TSPAN5: variants seen among roughly 807,000 people sequenced by gnomAD.
TSPAN5 encodes tetraspanin 5.
Under a neutral mutation model 37.1 loss-of-function variants are expected in TSPAN5, and 10 were observed. That is an observed-to-expected ratio of 0.27 (90% confidence interval 0.17 to 0.46). The LOEUF is 0.46. Among genes scored for constraint, TSPAN5 ranks in the 20% least tolerant of loss-of-function variants. The probability of loss-of-function intolerance (pLI) is 1.00; values close to 1 mark genes in which losing one functional copy is unlikely to be tolerated. For missense variants in TSPAN5, 195 were observed against 326.6 expected, an observed-to-expected ratio of 0.60 and a Z score of 3.11; for synonymous variants, 110 against 118.9, an observed-to-expected ratio of 0.93 and a Z score of 0.48.
intron 7 of TSPAN5, among the ~76,000 whole-genome samples, chr4:98,472,796 T>C (rs538479221): frequency 2.0e-4 from 30 of 152,312 alleles, no homozygotes; most frequent in African/African-American, 7.0e-4. Flanking sequence ...TCACAGAACA[T>C]TTCATTACCC....
At chr4:98,472,954 GCTGT>G (rs1428246709) in intron 7 of TSPAN5, among the ~76,000 whole-genome samples, 6 of 152,070 alleles carry the variant, frequency 3.9e-5, no homozygotes, top group Non-Finnish European at 8.8e-5. Context: ...GGCTTTTGTG[GCTGT>G]CTTTTTCATG....
intron 1 of TSPAN5, among the ~76,000 whole-genome samples, chr4:98,551,932 C>T (rs555335429): frequency 6.6e-6 from 1 of 152,182 alleles, no homozygotes; most frequent in South Asian, 2.1e-4. Flanking sequence ...TCTTCAATCT[C>T]AGGAGGTTGT....
chr4:98,575,195 T>C (rs1755206408), intron 1 of TSPAN5, among the ~76,000 whole-genome samples: 1 of 152,158 alleles, frequency 6.6e-6, no homozygotes, highest in Non-Finnish European at 1.5e-5. Flanking sequence ...GATCCATATA[T>C]ACAAATATCT....
intron 1 of TSPAN5, among the ~76,000 whole-genome samples, chr4:98,592,135 G>A (rs2110209173): frequency 6.6e-6 from 1 of 150,990 alleles, no homozygotes; most frequent in South Asian, 2.1e-4. Flanking sequence ...ATAACAACTA[G>A]ATAGCCACAT....
intron 1 of TSPAN5, among the ~76,000 whole-genome samples, chr4:98,587,138 C>T (rs1251506480): frequency 6.6e-6 from 1 of 152,176 alleles, no homozygotes; most frequent in Non-Finnish European, 1.5e-5. Context: ...CCCAGCCTGC[C>T]TTCAGGAAAA....
intron 1 of TSPAN5, among the ~76,000 whole-genome samples, chr4:98,524,317 G>T (rs1477423370): frequency 6.6e-6 from 1 of 152,212 alleles, no homozygotes; most frequent in Non-Finnish European, 1.5e-5. Flanking sequence ...ACCGCTGACA[G>T]AATATATTAG....
chr4:98,566,399 G>A (rs1755005763), intron 1 of TSPAN5, among the ~76,000 whole-genome samples: 1 of 152,078 alleles, frequency 6.6e-6, no homozygotes, highest in African/African-American at 2.4e-5. Context: ...AAGTCTCACA[G>A]GAAAAAATAT....
At chr4:98,633,687 C>T (rs752322708) in intron 1 of TSPAN5, among the ~76,000 whole-genome samples, 17 of 152,110 alleles carry the variant, frequency 1.1e-4, no homozygotes, top group South Asian at 2.1e-4. Flanking sequence ...AACCACTGCC[C>T]GCAAAGACTG....
intron 1 of TSPAN5, among the ~76,000 whole-genome samples, chr4:98,655,157 T>G (rs867226548): frequency 6.6e-6 from 1 of 152,164 alleles, no homozygotes; most frequent in Non-Finnish European, 1.5e-5. Context: ...GGTTTTTTTT[T>G]GTTTTTGTTT....
intron 1 of TSPAN5, among the ~76,000 whole-genome samples, chr4:98,646,293 C>T (rs1757068164): frequency 6.6e-6 from 1 of 152,118 alleles, no homozygotes; most frequent in African/African-American, 2.4e-5. Flanking sequence ...TCAAGTTTCA[C>T]CTTCATGACC....
At position 98,658,404 on chromosome 4, in the gene TSPAN5, C is replaced by CA; in HGVS notation, c.-179dup. On this transcript the variant is annotated 5_prime_UTR_variant, in exon 1 of 8. Coordinates refer to ENST00000305798, the MANE Select transcript of TSPAN5 (RefSeq NM_005723.4). Reference sequence around the variant, plus strand: ...CGGCGGAGAGCGGCTCCCGCACCTCCAGCCCCTCGCGCGCCGAGGCCGCCG... The same window carrying CA: ...CGGCGGAGAGCGGCTCCCGCACCTCCAAGCCCCTCGCGCGCCGAGGCCGCCG... 5.5e-6 allele frequency: 2 copies of CA among 365,248 alleles called. No homozygotes were observed. Among genetic ancestry groups the CA allele is most frequent in the Non-Finnish European group, 9.6e-6 (2 of 208,510 alleles). The allele number at this position is 365,248 out of a possible 1,614,324, so 22.6% of individuals were successfully genotyped here. A position where few individuals can be genotyped will look rare whatever the true frequency, so the allele number is the denominator to read the frequency against.
chr4:98,539,946 A>G (rs544445419), intron 1 of TSPAN5, among the ~76,000 whole-genome samples: 38 of 152,300 alleles, frequency 2.5e-4, no homozygotes, highest in African/African-American at 8.7e-4. Context: ...GAGGCGGCCC[A>G]TATGGCAAGA....
intron 1 of TSPAN5, among the ~76,000 whole-genome samples, chr4:98,636,761 T>C (rs1021435401): frequency 6.6e-6 from 1 of 152,238 alleles, no homozygotes; most frequent in Non-Finnish European, 1.5e-5. Flanking sequence ...AATGTAATTA[T>C]AGCCAGACTA....
chr4:98,584,748 A>T (rs1013220061), intron 1 of TSPAN5, among the ~76,000 whole-genome samples: 1 of 152,214 alleles, frequency 6.6e-6, no homozygotes, highest in Non-Finnish European at 1.5e-5. Flanking sequence ...CTCTTCATGC[A>T]ATAGGCCTAT....
intron 7 of TSPAN5, among the ~76,000 whole-genome samples, chr4:98,473,607 C>T (rs1366416878): frequency 6.6e-6 from 1 of 151,938 alleles, no homozygotes; most frequent in East Asian, 1.9e-4. Context: ...CTACAGGCGC[C>T]CGCCACCGCG....
intron 1 of TSPAN5, among the ~76,000 whole-genome samples, chr4:98,648,570 T>C (rs1757117527): frequency 6.6e-6 from 1 of 152,208 alleles, no homozygotes; most frequent in Admixed American, 6.5e-5. Context: ...TTTCAAGAGA[T>C]TTTTCTCATT....
intron 1 of TSPAN5, among the ~76,000 whole-genome samples, chr4:98,546,607 A>C (rs1466047763): frequency 1.3e-5 from 2 of 152,230 alleles, no homozygotes; most frequent in African/African-American, 4.8e-5. Context: ...TAAATCATAA[A>C]GTTTTAAGGC....
At chr4:98,527,517 C>A (rs1177769109) in intron 1 of TSPAN5, among the ~76,000 whole-genome samples, 1 of 152,182 alleles carries the variant, frequency 6.6e-6, no homozygotes, top group South Asian at 2.1e-4. Flanking sequence ...CTTCATTCTG[C>A]AGCCATGAAG....
intron 1 of TSPAN5, among the ~76,000 whole-genome samples, chr4:98,626,947 A>T (rs1756617161): frequency 7.8e-6 from 1 of 127,676 alleles, no homozygotes; most frequent in Non-Finnish European, 1.5e-5. Context: ...TTTGGCACGT[A>T]ATAGACATCA....
Sources: allele counts gnomAD v4.1 joint callset (sites outside exome capture counted in the v4.1 genomes callset), GRCh38; gene constraint gnomAD v4.1.1; transcripts MANE v1.5; gene names NCBI Gene and HGNC (gene_info 2026-07-23, HGNC 2026-07-21).